KCND2: variants seen among roughly 807,000 people sequenced by gnomAD.
KCND2 encodes potassium voltage-gated channel subfamily D member 2, also known as A-type voltage-gated potassium channel KCND2.
KCND2 carries 16 observed loss-of-function variants against 54.4 expected under a neutral mutation model. That is an observed-to-expected ratio of 0.29 (90% CI 0.20 to 0.45). KCND2 has a LOEUF of 0.45. KCND2 is among the 20% of genes least tolerant of loss of function. KCND2 has a pLI of 1.00. For synonymous variants in KCND2, 317 were observed against 310.7 expected, an observed-to-expected ratio of 1.02 and a Z score of -0.21; for missense variants, 486 against 824.2, an observed-to-expected ratio of 0.59 and a Z score of 5.02.
At chr7:120,633,492 A>T (rs1057237206) in intron 1 of KCND2, among the ~76,000 whole-genome samples, 2 of 152,238 alleles carry the variant, frequency 1.3e-5, no homozygotes, top group Non-Finnish European at 2.9e-5. Context: ...ATGACATATT[A>T]CTTTGACAAT....
At chr7:120,630,966 A>G (rs1793226715) in intron 1 of KCND2, among the ~76,000 whole-genome samples, 1 of 152,200 alleles carries the variant, frequency 6.6e-6, no homozygotes, top group Non-Finnish European at 1.5e-5. Flanking sequence ...TCTTTGGTTT[A>G]GTGATTACAT....
chr7:120,741,447 T>C (rs1048990428), intron 2 of KCND2, 87 bp from the exon 3 acceptor site: 31 of 904,662 alleles, frequency 3.4e-5, no homozygotes, highest in South Asian at 2.3e-4. Context: ...ATATGTAGGC[T>C]GACAATAGGA....
rs554407380 is a variant in KCND2 at position 120,293,694 on chromosome 7, C to G, written c.1115+17947C>G. On this transcript the variant is annotated intron_variant, in intron 1 of 5. Transcript: ENST00000331113. ...AATGAGTAATTACCCTGAGTCTGCACCATACTCAGCTCTGCTTAACATATA... is the reference window on the plus strand; with the variant it reads ...AATGAGTAATTACCCTGAGTCTGCAGCATACTCAGCTCTGCTTAACATATA... Among the ~76,000 whole-genome samples the G allele has an allele frequency of 5.9e-5, 9 of 151,962 alleles. No individual in the cohort carries two copies. In the South Asian group the frequency reaches 1.7e-3, roughly 28 times the overall value.
At chr7:120,684,119 G>A (rs1470861631) in intron 1 of KCND2, among the ~76,000 whole-genome samples, 1 of 152,098 alleles carries the variant, frequency 6.6e-6, no homozygotes, top group Non-Finnish European at 1.5e-5. Context: ...AAGGGATACG[G>A]CTGACTACAA....
intron 1 of KCND2, among the ~76,000 whole-genome samples, chr7:120,615,834 A>G (rs1793016821): frequency 6.6e-6 from 1 of 152,216 alleles, no homozygotes; most frequent in African/African-American, 2.4e-5. Context: ...TTCTAATATT[A>G]TAGCTTAATG....
chr7:120,551,100 T>G (rs1792100010), intron 1 of KCND2, among the ~76,000 whole-genome samples: 2 of 152,200 alleles, frequency 1.3e-5, no homozygotes, highest in South Asian at 2.1e-4. Context: ...TTTAAATAAA[T>G]GCGCAGAGCT....
rs980179633 is a variant in KCND2, at chr7:120,273,818, A to ACGG, written c.-804_-802dup. On this transcript the variant is annotated 5_prime_UTR_variant, in exon 1 of 6. Coordinates refer to ENST00000331113, the MANE Select transcript of KCND2 (RefSeq NM_012281.3). ...CGCGGAAGCAGATGCTGCTGCCGCC[A>ACGG]CGGCGGCGGCGGCTGCCAGCTCCTG... 1.3e-5 allele frequency: 2 copies of ACGG among 152,844 alleles called. No homozygotes were observed. The highest frequency in any genetic ancestry group is 2.9e-5 in the Non-Finnish European group (2 of 68,230). The allele number at this position is 152,844 out of a possible 1,614,324, so 9.5% of individuals were successfully genotyped here.
chr7:120,426,286 T>G (rs138337354), intron 1 of KCND2, among the ~76,000 whole-genome samples: 70 of 152,300 alleles, frequency 4.6e-4, no homozygotes, highest in African/African-American at 1.6e-3. Context: ...TTCATTTGTA[T>G]AACATTCTCT....
At chr7:120,727,300 A>G (rs1475473148) in intron 1 of KCND2, among the ~76,000 whole-genome samples, 1 of 152,110 alleles carries the variant, frequency 6.6e-6, no homozygotes, top group Non-Finnish European at 1.5e-5. Context: ...AATACTAAAC[A>G]GGGAAATATT....
chr7:120,726,918 A>G (rs1279589272), intron 1 of KCND2, among the ~76,000 whole-genome samples: 1 of 152,218 alleles, frequency 6.6e-6, no homozygotes, highest in African/African-American at 2.4e-5. Flanking sequence ...AGTTACAGTA[A>G]GCATCAAGGT....
intron 1 of KCND2, among the ~76,000 whole-genome samples, chr7:120,450,729 C>G (rs1376422044): frequency 2.0e-5 from 3 of 152,168 alleles, no homozygotes; most frequent in Non-Finnish European, 4.4e-5. Flanking sequence ...AAGGAGTAGG[C>G]TTTAGATCTT....
At chr7:120,605,471 A>T (rs887571535) in intron 1 of KCND2, among the ~76,000 whole-genome samples, 8 of 152,304 alleles carry the variant, frequency 5.3e-5, no homozygotes, top group African/African-American at 1.9e-4. Flanking sequence ...TTCATTCATC[A>T]GTGTATAGAA....
At chr7:120,710,880 T>C (rs957227030) in intron 1 of KCND2, among the ~76,000 whole-genome samples, 4 of 152,250 alleles carry the variant, frequency 2.6e-5, no homozygotes, top group East Asian at 3.9e-4. Context: ...ATAATGTCTG[T>C]ATGCTTTGAC....
chr7:120,273,668 C>A lies in KCND2; in HGVS notation c.-965C>A, dbSNP rs1033265044. 3.9e-5 allele frequency: 6 copies of A among 152,614 alleles called. No homozygotes were observed. The highest frequency in any genetic ancestry group is 1.4e-4 in the African/African-American group (6 of 41,440). 9.5% of individuals were successfully genotyped at this position (152,614 alleles called of 1,614,324 possible). A position where few individuals can be genotyped will look rare whatever the true frequency, so the allele number is the denominator to read the frequency against. ...TTATGCTCTCTCGGCGCATCGGATT[C>A]GGCTGCTCGCGAGCTGCTTTCTCTC... On this transcript the variant is annotated 5_prime_UTR_variant, in exon 1 of 6. Coordinates refer to ENST00000331113, the MANE Select transcript of KCND2 (RefSeq NM_012281.3).
chr7:120,415,747 G>A (rs551860068), intron 1 of KCND2, among the ~76,000 whole-genome samples: 1 of 152,256 alleles, frequency 6.6e-6, no homozygotes, highest in Non-Finnish European at 1.5e-5. Flanking sequence ...CTCCAGTCCA[G>A]TTCTCTCCTG....
intron 1 of KCND2, among the ~76,000 whole-genome samples, chr7:120,442,718 A>G (rs1006705975): frequency 8.5e-5 from 13 of 152,100 alleles, no homozygotes; most frequent in East Asian, 1.9e-4. Flanking sequence ...TTTTGTGATT[A>G]GGTCCAACAG....
At chr7:120,409,135 T>C (rs893084117) in intron 1 of KCND2, among the ~76,000 whole-genome samples, 1 of 151,894 alleles carries the variant, frequency 6.6e-6, no homozygotes, top group Admixed American at 6.6e-5. Flanking sequence ...AGAATGCTGC[T>C]GGGAAATGAT....
At chr7:120,731,614 T>C (rs1440360511) in intron 1 of KCND2, among the ~76,000 whole-genome samples, 1 of 152,184 alleles carries the variant, frequency 6.6e-6, no homozygotes, top group Non-Finnish European at 1.5e-5. Context: ...ATAGCAGTAG[T>C]CCAATCTCCA....
rs1188259681 is a variant in KCND2 at position 120,515,354 on chromosome 7, C to T, written c.1116-217549C>T. On this transcript the variant is annotated intron_variant, in intron 1 of 5. Transcript: ENST00000331113. ...GTCTCATGAGTTTTTATTGCTGTAT[C>T]GGGCAGAAAAACAGAATCCACACCA... Among the ~76,000 whole-genome samples the T allele has an allele frequency of 4.0e-5, 6 of 151,880 alleles. No individual in the cohort carries two copies. The East Asian group carries it at 5.8e-4, about 15-fold the overall frequency.
Sources: gnomAD v4.1 joint callset for allele counts (sites outside exome capture counted in the v4.1 genomes callset) on GRCh38, gnomAD v4.1.1 for gene constraint, MANE v1.5 for transcripts, NCBI Gene and HGNC (gene_info 2026-07-23, HGNC 2026-07-21) for gene names.